The following SIRT1 variants were observed in gnomAD, a reference collection of about 807,000 sequenced individuals.
The protein encoded by SIRT1 is NAD-dependent protein deacetylase sirtuin-1.
Under a neutral mutation model 67.9 loss-of-function variants are expected in SIRT1, and 24 were observed. The ratio of observed to expected loss-of-function variants is 0.35; its 90% confidence interval spans 0.26 to 0.50. The LOEUF (loss-of-function observed/expected upper bound fraction) is 0.50, where lower values mean the gene tolerates loss of function less well. Among genes scored for constraint, SIRT1 ranks in the 20% least tolerant of loss-of-function variants. The pLI is 0.98. For synonymous variants in SIRT1, 378 were observed against 350.7 expected (o/e 1.08, Z -0.87); for missense variants, 873 against 937.2 (o/e 0.93, Z 0.89).
intron 4 of SIRT1, among the ~76,000 whole-genome samples, chr10:67,895,096 T>TA (rs1842632755): frequency 6.6e-6 from 1 of 152,088 alleles, no homozygotes; most frequent in Admixed American, 6.6e-5. Flanking sequence ...GTCCATCCTT[T>TA]AATTCTCACA....
At chr10:67,897,388 A>G (rs1338473932) in intron 4 of SIRT1, among the ~76,000 whole-genome samples, 5 of 151,072 alleles carry the variant, frequency 3.3e-5, no homozygotes, top group Non-Finnish European at 5.9e-5. Flanking sequence ...TCCCAGGTTC[A>G]AGCAATCTCC....
Position 67,891,595 on chromosome 10 carries a change from A to T in SIRT1, c.942+41A>T, listed in dbSNP as rs773542794. The stretch of plus-strand genomic sequence containing the variant: ...CTGGTTGTTTCTTTGGCCTTCTCTC[A>T]TGAAAAAGTATTTTGTTCACATACA... On this transcript the variant is annotated intron_variant, in intron 4 of 8. Transcript: ENST00000212015. 15 of 1,600,594 alleles carry T rather than the reference A, an allele frequency of 9.4e-6. No homozygotes were observed. The Admixed American group carries it at 1.4e-4, about 14-fold the overall frequency.
chr10:67,888,411 C>T (rs1251306985), intron 2 of SIRT1, among the ~76,000 whole-genome samples: 3 of 152,044 alleles, frequency 2.0e-5, no homozygotes, highest in Non-Finnish European at 4.4e-5. Context: ...TATGTATTAT[C>T]TTGGAAGATG....
At chr10:67,894,976 G>A (rs1842630322) in intron 4 of SIRT1, among the ~76,000 whole-genome samples, 1 of 152,114 alleles carries the variant, frequency 6.6e-6, no homozygotes, top group African/African-American at 2.4e-5. Context: ...GATTACAGGT[G>A]TGAGCCACAA....
chr10:67,889,039 A>T lies in SIRT1; in HGVS notation c.705A>T (p.Lys235Asn), dbSNP rs1270657663. 1 of 1,613,156 alleles carries T rather than the reference A, an allele frequency of 6.2e-7. No individual in the cohort carries two copies. The highest frequency in any genetic ancestry group is 1.3e-5 in the African/African-American group (1 of 74,930). ...TCCTTTCAGAACCACCAAAAAGGAA[A>T]AAAAGAAAAGATATTAATACAATTG... ...INILSEPPKR[K>N]KRKDINTIED... The change falls in exon 3 of 9, where the codon AAA (lysine) becomes AAT (asparagine). Residue 235 changes from lysine to asparagine, a missense_variant. By Grantham distance (94) the Lys-to-Asn change is moderately conservative (BLOSUM62 0). This residue lies in a region of SIRT1 where 251 missense variants were observed against 358.8 expected (regional missense o/e 0.70). Transcript: ENST00000212015.
chr10:67,893,210 A>G (rs7904714), intron 4 of SIRT1, among the ~76,000 whole-genome samples: 81,650 of 152,108 alleles, frequency 0.54, 23,543 homozygotes, highest in Non-Finnish European at 0.66. Flanking sequence ...TACATGTGCC[A>G]TGGTGGTTTG....
intron 7 of SIRT1, 38 bp from the exon 8 acceptor site, chr10:67,912,436 C>G (rs892803065): frequency 6.6e-7 from 1 of 1,525,094 alleles, no homozygotes; most frequent in Non-Finnish European, 8.8e-7. Flanking sequence ...TTACTTCCTC[C>G]TCCCTTTTTC....
chr10:67,906,003 T>G (rs1842815571), intron 4 of SIRT1: 1 of 491,582 alleles, frequency 2.0e-6, no homozygotes, highest in Non-Finnish European at 3.2e-6. Flanking sequence ...ATGATAGCAC[T>G]ACTACTTTGA....
rs35865685 is a variant in SIRT1 at position 67,887,190 on chromosome 10, G to A, written c.431-227G>A. Among the ~76,000 whole-genome samples the A allele has an allele frequency of 9.0e-3, 1,366 of 152,260 alleles. 22 individuals carry two copies. The highest frequency in any genetic ancestry group is 0.031 in the African/African-American group (1,296 of 41,548). On this transcript the variant is annotated intron_variant, in intron 1 of 8. Coordinates refer to ENST00000212015, the MANE Select transcript of SIRT1 (RefSeq NM_012238.5). The stretch of plus-strand genomic sequence containing the variant: ...CCCGGCTATCTTTTCTGTTTTTTAA[G>A]TAGACTTAATTTATTTTTAGATTTT...
intron 8 of SIRT1, 91 bp from the exon 9 acceptor site, chr10:67,916,174 G>A: frequency 8.9e-7 from 1 of 1,125,746 alleles, no homozygotes; most frequent in Non-Finnish European, 1.3e-6. Flanking sequence ...TTATAATAAA[G>A]GCAGAGCTGG....
At position 67,884,926 on chromosome 10, in the gene SIRT1, G is replaced by A. The variant is rs1159536580; in HGVS notation, c.205G>A (p.Gly69Ser). ...EVPAAARGCPGAAAAALWREA... is the reference protein window; with the variant it reads ...EVPAAARGCPSAAAAALWREA... ...GCCGGCGGCGGCCAGGGGCTGCCCGGGTGCGGCGGCGGCGGCGCTGTGGCG... is the reference window on the plus strand; with the variant it reads ...GCCGGCGGCGGCCAGGGGCTGCCCGAGTGCGGCGGCGGCGGCGCTGTGGCG... Residue 69 changes from glycine to serine, a missense_variant, in exon 1 of 9, where the codon GGT becomes AGT. Around this residue, in one of 3 missense-constraint regions of SIRT1, gnomAD observed 327 missense variants for 283.9 expected, o/e 1.15. Transcript: ENST00000212015. 26 of 1,241,074 alleles carry A rather than the reference G, an allele frequency of 2.1e-5. No homozygotes were observed. The East Asian group carries it at 7.9e-4, about 38-fold the overall frequency. The allele number at this position is 1,241,074 out of a possible 1,614,324, so 76.9% of individuals were successfully genotyped here. A position where few individuals can be genotyped will look rare whatever the true frequency, so the allele number is the denominator to read the frequency against.
chr10:67,905,501 A>G (rs1589080075), intron 4 of SIRT1, among the ~76,000 whole-genome samples: 1 of 152,346 alleles, frequency 6.6e-6, no homozygotes, highest in East Asian at 1.9e-4. Context: ...ATAGCTGTTA[A>G]CGGAATTCAC....
chr10:67,895,133 T>C (rs1176306423), intron 4 of SIRT1, among the ~76,000 whole-genome samples: 2 of 152,024 alleles, frequency 1.3e-5, no homozygotes, highest in South Asian at 2.1e-4. Context: ...AAAAGAAAGC[T>C]TCCAGTCTGG....
chr10:67,892,849 T>C (rs1842594876), intron 4 of SIRT1, among the ~76,000 whole-genome samples: 1 of 152,142 alleles, frequency 6.6e-6, no homozygotes, highest in African/African-American at 2.4e-5. Context: ...TGATCCACCC[T>C]CCTCGGCCTC....
chr10:67,885,757 G>T (rs1236119573), intron 1 of SIRT1, among the ~76,000 whole-genome samples: 1 of 152,048 alleles, frequency 6.6e-6, no homozygotes, highest in Non-Finnish European at 1.5e-5. Flanking sequence ...AGTTAGGAGT[G>T]GGTATGGGAG....
chr10:67,884,731 G>A lies in SIRT1; in HGVS notation c.10G>A (p.Glu4Lys). The stretch of plus-strand genomic sequence containing the variant: ...GAGAGGCAGTTGGAAGATGGCGGAC[G>A]AGGCGGCCCTCGCCCTTCAGCCCGG... MADEAALALQPGGS... is the reference protein window; with the variant it reads MADKAALALQPGGS... The change falls in exon 1 of 9, where the codon GAG becomes AAG. Residue 4 changes from glutamate (E) to lysine (K), a missense_variant. By Grantham distance (56) the Glu-to-Lys change is moderately conservative (BLOSUM62 1). Coordinates refer to ENST00000212015, the MANE Select transcript of SIRT1 (RefSeq NM_012238.5). 1 of 1,229,102 alleles carries A rather than the reference G, an allele frequency of 8.1e-7. No homozygotes were observed. The highest frequency in any genetic ancestry group is 4.1e-5 in the South Asian group (1 of 24,194). 76.1% of individuals were successfully genotyped at this position (1,229,102 alleles called of 1,614,324 possible).
chr10:67,895,985 G>A (rs977329695), intron 4 of SIRT1, among the ~76,000 whole-genome samples: 12 of 151,962 alleles, frequency 7.9e-5, no homozygotes, highest in African/African-American at 2.7e-4. Flanking sequence ...CAGGTGATCC[G>A]CCCGCCTAGG....
Position 67,887,430 on chromosome 10 carries a change from C to A in SIRT1, c.444C>A (p.Phe148Leu), listed in dbSNP as rs773494159. ...AAIGYRDNLL[F>L]GDEIITNGFH... ...TTTCTTTTGCAGATAACCTTCTGTT[C>A]GGTGATGAAATTATCACTAATGGTT... Residue 148 changes from phenylalanine (F) to leucine (L), a missense_variant, in exon 2 of 9, where the codon TTC becomes TTA. By Grantham distance (22) the Phe-to-Leu change is conservative. Transcript: ENST00000212015. 6.2e-7 allele frequency: 1 copy of A among 1,611,942 alleles called. No individual in the cohort carries two copies. Among genetic ancestry groups the A allele is most frequent in the Non-Finnish European group, 8.5e-7 (1 of 1,178,386 alleles).
chr10:67,891,807 G>A (rs548953999), intron 4 of SIRT1, among the ~76,000 whole-genome samples: 5 of 152,290 alleles, frequency 3.3e-5, no homozygotes, highest in Admixed American at 1.3e-4. Flanking sequence ...AGCGATGGTC[G>A]TTATTCTGCC....
Sources: gnomAD v4.1 joint callset for allele counts (sites outside exome capture counted in the v4.1 genomes callset) on GRCh38, gnomAD v4.1.1 for gene constraint, gnomAD v4.1.1 regional missense constraint, MANE v1.5 for transcripts, NCBI Gene and HGNC (gene_info 2026-07-23, HGNC 2026-07-21) for gene names.